Variants in CCDC146 observed in about 807,000 individuals in gnomAD.
CCDC146 encodes the protein coiled-coil domain-containing protein 146.
In CCDC146, 92 loss-of-function variants were observed where a neutral mutation model predicts 119.3. The ratio of observed to expected loss-of-function variants is 0.77; its 90% CI spans 0.65 to 0.92. The LOEUF (loss-of-function observed/expected upper bound fraction) is 0.92, where lower values mean the gene tolerates loss of function less well. Among genes scored for constraint, CCDC146 ranks in the 40% least tolerant of loss-of-function variants. The probability of loss-of-function intolerance (pLI) is 0.00; values close to 1 mark genes in which losing one functional copy is unlikely to be tolerated. For missense variants in CCDC146, 1,000 were observed against 1,103.0 expected, an observed-to-expected ratio of 0.91 and a Z score of 1.32; for synonymous variants, 372 against 371.8, an observed-to-expected ratio of 1.00 and a Z score of -0.01.
intron 3 of CCDC146, among the ~76,000 whole-genome samples, chr7:77,241,121 A>G (rs1418177650): frequency 6.7e-6 from 1 of 148,894 alleles, no homozygotes; most frequent in Non-Finnish European, 1.5e-5. Context: ...GCAGTGGCTC[A>G]ATCTCGGCTC....
chr7:77,256,243 ATGG>A (rs1713550192), intron 5 of CCDC146, 87 bp from the exon 6 acceptor site: 1 of 866,416 alleles, frequency 1.2e-6, no homozygotes, highest in Non-Finnish European at 1.7e-6. Context: ...TATAATCAAA[ATGG>A]TGGGTGAAAT....
intron 2 of CCDC146, among the ~76,000 whole-genome samples, chr7:77,235,788 G>A (rs2150481437): frequency 6.6e-6 from 1 of 152,244 alleles, no homozygotes; most frequent in South Asian, 2.1e-4. Flanking sequence ...GCACTTTAGA[G>A]GTAAGGGCCA....
intron 3 of CCDC146, among the ~76,000 whole-genome samples, chr7:77,238,026 A>G (rs1792771069): frequency 6.6e-6 from 1 of 152,100 alleles, no homozygotes; most frequent in Non-Finnish European, 1.5e-5. Flanking sequence ...TTGCCCAGAG[A>G]TATTTGGCTA....
intron 1 of CCDC146, among the ~76,000 whole-genome samples, chr7:77,131,264 C>T (rs1166934332): frequency 6.6e-6 from 1 of 151,832 alleles, no homozygotes; most frequent in East Asian, 1.9e-4. Flanking sequence ...AAGTTACCAC[C>T]CCCAAATTAT....
In CCDC146 at chr7:77,252,672, T is replaced by G. The variant is rs555544217; in HGVS notation, c.450-1834T>G. 2.6e-5 allele frequency among the ~76,000 whole-genome samples: 4 copies of G among 152,332 alleles called. No individual in the cohort carries two copies. The South Asian group carries it at 8.3e-4, about 32-fold the overall frequency. On this transcript the variant is annotated intron_variant, in intron 4 of 18. Transcript: ENST00000285871. The stretch of plus-strand genomic sequence containing the variant: ...AGGATGTTTAACGCATCACTGTAAC[T>G]GGCACTGTGGAAACGGTATACAGAA...
intron 1 of CCDC146, among the ~76,000 whole-genome samples, chr7:77,167,018 A>T (rs1201455361): frequency 6.6e-6 from 1 of 152,222 alleles, no homozygotes; most frequent in African/African-American, 2.4e-5. Context: ...AAATTCAAGT[A>T]AACTATTTGC....
At chr7:77,127,199 A>G (rs1232153587) in intron 1 of CCDC146, among the ~76,000 whole-genome samples, 1 of 152,144 alleles carries the variant, frequency 6.6e-6, no homozygotes, top group Non-Finnish European at 1.5e-5. Flanking sequence ...GGGATTCCCC[A>G]GCTCCTGCCT....
chr7:77,257,565 A>C (rs73373693), intron 6 of CCDC146, among the ~76,000 whole-genome samples: 8,891 of 152,164 alleles, frequency 0.058, 709 homozygotes, highest in African/African-American at 0.18. Context: ...TGCTGCACCT[A>C]AGTTAGCATT....
At chr7:77,263,780 C>T (rs921560569) in intron 9 of CCDC146, among the ~76,000 whole-genome samples, 7 of 152,070 alleles carry the variant, frequency 4.6e-5, no homozygotes, top group African/African-American at 7.2e-5. Flanking sequence ...AAAAATTGGT[C>T]GGGTGTGCTG....
At chr7:77,257,553 G>C (rs919579865) in intron 6 of CCDC146, among the ~76,000 whole-genome samples, 2 of 152,158 alleles carry the variant, frequency 1.3e-5, no homozygotes, top group African/African-American at 4.8e-5. Context: ...CCTCTTCCAA[G>C]ATGCTGCACC....
intron 1 of CCDC146, among the ~76,000 whole-genome samples, chr7:77,124,482 C>G (rs1290631493): frequency 6.6e-6 from 1 of 152,166 alleles, no homozygotes; most frequent in Non-Finnish European, 1.5e-5. Context: ...AATTATTCTC[C>G]TCACACTATA....
At chr7:77,185,928 A>G (rs1791660171) in intron 2 of CCDC146, among the ~76,000 whole-genome samples, 1 of 152,242 alleles carries the variant, frequency 6.6e-6, no homozygotes, top group Non-Finnish European at 1.5e-5. Context: ...AGTGCAAATC[A>G]AAACTCCAAC....
intron 2 of CCDC146, among the ~76,000 whole-genome samples, chr7:77,229,923 C>A (rs572158417): frequency 2.4e-4 from 37 of 152,146 alleles, no homozygotes; most frequent in South Asian, 1.2e-3. Context: ...ACCAAAGAAA[C>A]CTTGTGCCCA....
chr7:77,260,874 C>T (rs1450959511), intron 8 of CCDC146, among the ~76,000 whole-genome samples: 2 of 152,218 alleles, frequency 1.3e-5, no homozygotes, highest in Non-Finnish European at 2.9e-5. Context: ...GTGATCCACC[C>T]GCTTTGGCCT....
At chr7:77,160,054 G>T (rs1791235207) in intron 1 of CCDC146, among the ~76,000 whole-genome samples, 1 of 152,142 alleles carries the variant, frequency 6.6e-6, no homozygotes, top group Non-Finnish European at 1.5e-5. Context: ...GTTTTTCTCA[G>T]GTTTGTCAAA....
intron 2 of CCDC146, among the ~76,000 whole-genome samples, chr7:77,206,034 A>G (rs754161683): frequency 5.9e-5 from 9 of 152,212 alleles, no homozygotes; most frequent in Non-Finnish European, 1.2e-4. Context: ...TCAGCTGGGT[A>G]TATATGTATT....
At chr7:77,281,125 AAGAG>A (rs1554362198) in intron 14 of CCDC146, among the ~76,000 whole-genome samples, 2 of 143,608 alleles carry the variant, frequency 1.4e-5, no homozygotes, top group Non-Finnish European at 1.5e-5. Flanking sequence ...AAAAAAAAAA[AAGAG>A]AGAAAGAAAG....
At chr7:77,271,424 A>G (rs1396519887) in intron 9 of CCDC146, among the ~76,000 whole-genome samples, 3 of 149,160 alleles carry the variant, frequency 2.0e-5, no homozygotes, top group East Asian at 4.0e-4. Context: ...CAGATGGCCT[A>G]TTGTGGGACC....
At chr7:77,193,411 G>A (rs1207014698) in intron 2 of CCDC146, 1 of 152,098 alleles carries the variant, frequency 6.6e-6, no homozygotes, top group African/African-American at 2.4e-5. Context: ...CCACATTGAA[G>A]AATAGATGTG....
Sources: allele counts gnomAD v4.1 joint callset (sites outside exome capture counted in the v4.1 genomes callset), GRCh38; gene constraint gnomAD v4.1.1; transcripts MANE v1.5; gene names NCBI Gene and HGNC (gene_info 2026-07-23, HGNC 2026-07-21).